CEP83: variants seen among roughly 807,000 people sequenced by gnomAD.
The protein encoded by CEP83 is centrosomal protein of 83 kDa.
Under a neutral mutation model 101.9 loss-of-function variants are expected in CEP83, and 70 were observed. That is an observed-to-expected ratio of 0.69 (90% CI 0.57 to 0.84). CEP83 has a LOEUF of 0.84. Ranked by LOEUF, CEP83 falls within the 40% of genes least tolerant of loss-of-function variation. The probability of loss-of-function intolerance (pLI) is 0.00; values close to 1 mark genes in which losing one functional copy is unlikely to be tolerated. For synonymous variants in CEP83, 264 were observed against 267.9 expected (o/e 0.99, Z 0.14); for missense variants, 715 against 787.2 (o/e 0.91, Z 1.10).
At chr12:94,267,429 C>T in the CEP83 span, among the ~76,000 whole-genome samples, 1 of 152,170 alleles carries the variant, frequency 6.6e-6, no homozygotes, top group Non-Finnish European at 1.5e-5. Context: ...CATAATGTTA[C>T]TTGATGCTGA....
the CEP83 span, among the ~76,000 whole-genome samples, chr12:94,293,441 A>G: frequency 3.3e-5 from 5 of 152,216 alleles, no homozygotes; most frequent in African/African-American, 9.7e-5. Flanking sequence ...ATAACAGAAT[A>G]CCATTGACTG....
the CEP83 span, among the ~76,000 whole-genome samples, chr12:94,274,824 C>A: frequency 6.6e-6 from 1 of 152,164 alleles, no homozygotes; most frequent in Non-Finnish European, 1.5e-5. Context: ...CCTCTCTGTG[C>A]CTCAGTTTCT....
At chr12:94,340,685 C>T (rs1350200248) in intron 11 of CEP83, among the ~76,000 whole-genome samples, 2 of 152,192 alleles carry the variant, frequency 1.3e-5, no homozygotes, top group Non-Finnish European at 2.9e-5. Flanking sequence ...GTTCCACCCG[C>T]CTCGGCCTCC....
intron 6 of CEP83, among the ~76,000 whole-genome samples, chr12:94,395,386 A>T (rs556651083): frequency 6.6e-6 from 1 of 151,638 alleles, no homozygotes; most frequent in Non-Finnish European, 1.5e-5. Flanking sequence ...AAAAATAATC[A>T]CTATTATGAT....
chr12:94,418,710 G>A (rs117399699), intron 2 of CEP83, among the ~76,000 whole-genome samples: 3,621 of 152,238 alleles, frequency 0.024, 63 homozygotes, highest in Middle Eastern at 0.075. Context: ...CTTTGATGTG[G>A]TAAAATGTTT....
intron 6 of CEP83, among the ~76,000 whole-genome samples, chr12:94,379,974 G>A (rs1282676721): frequency 6.8e-6 from 1 of 146,410 alleles, no homozygotes; most frequent in African/African-American, 2.5e-5. Context: ...TTTTTTGTTT[G>A]TTAAGAAGAA....
the CEP83 span, among the ~76,000 whole-genome samples, chr12:94,287,688 T>C: frequency 2.9e-3 from 442 of 152,290 alleles, 1 homozygote; most frequent in African/African-American, 9.7e-3. Flanking sequence ...TTAAAGCTCA[T>C]AGGAATGCCC....
chr12:94,350,946 A>C (rs2060170474), intron 11 of CEP83, among the ~76,000 whole-genome samples: 1 of 152,158 alleles, frequency 6.6e-6, no homozygotes, highest in Non-Finnish European at 1.5e-5. Flanking sequence ...TATCAAAAAA[A>C]CATGAGGAAG....
chr12:94,418,362 AAAAAG>A (rs1449190786), intron 2 of CEP83, among the ~76,000 whole-genome samples: 2 of 152,222 alleles, frequency 1.3e-5, no homozygotes, highest in Admixed American at 6.5e-5. Context: ...CTCTGTCTTT[AAAAAG>A]AAAAGAAAAA....
chr12:94,440,027 G>GAC (rs1455375466), intron 1 of CEP83, among the ~76,000 whole-genome samples: 1 of 152,058 alleles, frequency 6.6e-6, no homozygotes, highest in African/African-American at 2.4e-5. Context: ...GCATAGAAGG[G>GAC]ACATACCTTA....
chr12:94,354,269 T>C (rs1593354652), intron 11 of CEP83, among the ~76,000 whole-genome samples: 1 of 152,134 alleles, frequency 6.6e-6, no homozygotes, highest in East Asian at 1.9e-4. Context: ...CGGCTCACTG[T>C]AACCTCTGCC....
chr12:94,371,924 A>T (rs918253170), intron 8 of CEP83, among the ~76,000 whole-genome samples: 21 of 152,316 alleles, frequency 1.4e-4, no homozygotes, highest in Admixed American at 1.1e-3. Flanking sequence ...GTAGATTTTT[A>T]AATGACCGTA....
intron 14 of CEP83, chr12:94,328,108 T>C (rs1415326132): frequency 6.0e-6 from 1 of 165,450 alleles, no homozygotes; most frequent in African/African-American, 2.4e-5. Flanking sequence ...CATAATAGTA[T>C]CTGACCAAGA....
chr12:94,296,464 C>A, the CEP83 span, among the ~76,000 whole-genome samples: 8 of 152,188 alleles, frequency 5.3e-5, no homozygotes, highest in Admixed American at 2.6e-4. Flanking sequence ...CCTCTCTCAA[C>A]TTTAAAACAA....
intron 1 of CEP83, among the ~76,000 whole-genome samples, chr12:94,437,892 T>C (rs887883745): frequency 6.6e-6 from 1 of 152,178 alleles, no homozygotes; most frequent in Non-Finnish European, 1.5e-5. Flanking sequence ...TCAATACTGA[T>C]GTTGAATGTA....
At chr12:94,300,858 T>C in the CEP83 span, 757 of 1,556,660 alleles carry the variant, frequency 4.9e-4, 3 homozygotes, top group African/African-American at 9.0e-3. Flanking sequence ...AAACAGACCA[T>C]TGGCTTCATG....
chr12:94,424,929 A>C, intron 2 of CEP83: 1 of 1,596,792 alleles, frequency 6.3e-7, no homozygotes, highest in Non-Finnish European at 8.6e-7. Flanking sequence ...TTGTAGCCAA[A>C]AGTAGAAATC....
intron 5 of CEP83, 123 bp from the exon 6 acceptor site, chr12:94,401,104 A>T: frequency 2.2e-6 from 1 of 453,186 alleles, no homozygotes; most frequent in Non-Finnish European, 3.6e-6. Flanking sequence ...GTAAAAAATA[A>T]ATTTAACAGA....
At chr12:94,414,256 C>A (rs563945778) in intron 2 of CEP83, among the ~76,000 whole-genome samples, 1 of 152,298 alleles carries the variant, frequency 6.6e-6, no homozygotes, top group South Asian at 2.1e-4. Flanking sequence ...TGAATTGCAT[C>A]ATAAAACTGG....
Sources: allele counts gnomAD v4.1 joint callset (sites outside exome capture counted in the v4.1 genomes callset), GRCh38; gene constraint gnomAD v4.1.1; transcripts MANE v1.5; gene names NCBI Gene and HGNC (gene_info 2026-07-23, HGNC 2026-07-21).